Variants in CEP89 observed in about 807,000 individuals in gnomAD.
CEP89 encodes the protein centrosomal protein 89.
CEP89 carries 95 observed loss-of-function variants against 97.6 expected under a neutral mutation model. That is an observed-to-expected ratio of 0.97 (90% CI 0.82 to 1.15). The LOEUF (loss-of-function observed/expected upper bound fraction) is 1.15. CEP89 is among the 50% of genes most tolerant of loss of function. CEP89 has a pLI of 0.00. For synonymous variants in CEP89, 354 were observed against 349.1 expected (o/e 1.01, Z -0.16); for missense variants, 869 against 947.7 (o/e 0.92, Z 1.09).
chr19:32,942,852 T>C (rs1203411692), intron 5 of CEP89, among the ~76,000 whole-genome samples: 1 of 149,194 alleles, frequency 6.7e-6, no homozygotes, highest in African/African-American at 2.4e-5. Context: ...TTCCAGTCTT[T>C]TTTTTTTTTT....
chr19:32,935,231 C>T (rs1050585793), intron 7 of CEP89, among the ~76,000 whole-genome samples: 3 of 152,160 alleles, frequency 2.0e-5, no homozygotes, highest in Non-Finnish European at 2.9e-5. Context: ...AGGCAGCAGT[C>T]GGTACAGCCT....
chr19:32,933,462 G>A lies in CEP89; in HGVS notation c.875C>T (p.Ser292Leu), dbSNP rs368927898. Residue 292 changes from serine to leucine, a missense_variant, in exon 8 of 19, where the codon TCG becomes TTG. Coordinates refer to ENST00000305768, the MANE Select transcript of CEP89 (RefSeq NM_032816.5). ...CTGTCTGTCCCCACCTTCCTGTGAC[G>A]ACGCCTTCTCAGCCTCTTTGAGCTT... ...KRKLKEAEKA[S>L]SQEVAAPELL... 6.2e-6 allele frequency: 10 copies of A among 1,613,248 alleles called. No individual in the cohort carries two copies. The highest frequency in any genetic ancestry group is 2.2e-5 in the South Asian group (2 of 90,904).
chr19:32,927,021 A>C (rs1970372795), intron 9 of CEP89, 37 bp from the exon 10 acceptor site: 2 of 1,551,550 alleles, frequency 1.3e-6, no homozygotes, highest in South Asian at 2.2e-5. Flanking sequence ...AAGTTAAACC[A>C]CACTTCCTCT....
chr19:32,971,089 G>A (rs1056246847), intron 1 of CEP89: 1 of 161,130 alleles, frequency 6.2e-6, no homozygotes, highest in Non-Finnish European at 1.4e-5. Context: ...TGGACCTAGG[G>A]GAAGGGCGAG....
chr19:32,901,056 T>G lies in CEP89; in HGVS notation c.1733+189A>C, dbSNP rs563386367. On this transcript the variant is annotated intron_variant, in intron 15 of 18. Coordinates refer to ENST00000305768, the MANE Select transcript of CEP89 (RefSeq NM_032816.5). ...GCGTGCCACTACCGCCTGGCTAATTTTTGTATTTTTAGTAGAGACGGGGTT... is the reference window on the plus strand; with the variant it reads ...GCGTGCCACTACCGCCTGGCTAATTGTTGTATTTTTAGTAGAGACGGGGTT... 8.2e-4 allele frequency among the ~76,000 whole-genome samples: 125 copies of G among 151,912 alleles called. 1 individual carries two copies. The highest frequency in any genetic ancestry group is 2.8e-3 in the African/African-American group (117 of 41,442).
intron 1 of CEP89, chr19:32,970,835 TG>T (rs1232182332): frequency 3.9e-5 from 6 of 152,242 alleles, no homozygotes; most frequent in African/African-American, 1.4e-4. Flanking sequence ...CATTGAGACT[TG>T]GCAGAGTGTG....
At chr19:32,886,840 C>G (rs1969406930) in intron 17 of CEP89, among the ~76,000 whole-genome samples, 1 of 151,742 alleles carries the variant, frequency 6.6e-6, no homozygotes, top group Non-Finnish European at 1.5e-5. Context: ...CATGGCATAG[C>G]CCCTTCCCTT....
At chr19:32,922,696 A>G (rs191543968) in intron 12 of CEP89, among the ~76,000 whole-genome samples, 70 of 152,122 alleles carry the variant, frequency 4.6e-4, no homozygotes, top group African/African-American at 1.6e-3. Flanking sequence ...AAAAATACAA[A>G]AATTAGCCAG....
At chr19:32,884,601 C>T (rs964568060) in intron 17 of CEP89, among the ~76,000 whole-genome samples, 2 of 152,070 alleles carry the variant, frequency 1.3e-5, no homozygotes, top group African/African-American at 2.4e-5. Context: ...GAAACAGGAT[C>T]CTGCTCCATG....
chr19:32,901,307 GTTC>G lies in CEP89; in HGVS notation c.1668_1670del (p.Lys556del), dbSNP rs1278457630. ...GTGCTTTGTTTTGCTCTGTCAAACT[GTTC>G]TTCTCTAACAGCAGGCTCTTCTTCT... On this transcript the variant is annotated inframe_deletion, in exon 15 of 19. Coordinates refer to ENST00000305768, the MANE Select transcript of CEP89 (RefSeq NM_032816.5). 1 of 1,614,186 alleles carries G rather than the reference GTTC, an allele frequency of 6.2e-7. No individual in the cohort carries two copies. Among genetic ancestry groups the G allele is most frequent in the South Asian group, 1.1e-5 (1 of 91,080 alleles).
In CEP89 at chr19:32,878,979, T is replaced by A. The variant is rs2868196; in HGVS notation, c.*183A>T. 0.15 allele frequency: 66,956 copies of A among 441,190 alleles called. 6,338 individuals carry two copies. Among genetic ancestry groups the A allele is most frequent in the Non-Finnish European group, 0.19 (48,966 of 252,606 alleles). The allele number at this position is 441,190 out of a possible 1,614,324, so 27.3% of individuals were successfully genotyped here. A position where few individuals can be genotyped will look rare whatever the true frequency, so the allele number is the denominator to read the frequency against. ...CCTAGCTCTAAAAAAAAAAAAAAAT[T>A]AAAAAATAAAGCAAAATGTTATCAA... is the stretch of plus-strand genomic sequence containing the variant. On this transcript the variant is annotated 3_prime_UTR_variant, in exon 19 of 19. Transcript: ENST00000305768.
chr19:32,902,010 C>G (rs62125007), intron 14 of CEP89, among the ~76,000 whole-genome samples: 25,348 of 133,218 alleles, frequency 0.19, 2,744 homozygotes, highest in East Asian at 0.5. Flanking sequence ...CTCTCTCTCT[C>G]TGTGTGTGTG....
intron 7 of CEP89, among the ~76,000 whole-genome samples, chr19:32,934,849 G>A (rs1033342722): frequency 1.4e-4 from 22 of 152,154 alleles, no homozygotes; most frequent in South Asian, 6.2e-4. Context: ...CTGGTGGCTC[G>A]CACCTGCAAT....
Position 32,887,835 on chromosome 19 carries a change from AT to A in CEP89, c.1881del (p.Lys627AsnfsTer3). The A allele has an allele frequency of 6.2e-7, 1 of 1,604,976 alleles. No homozygotes were observed. The highest frequency in any genetic ancestry group is 8.5e-7 in the Non-Finnish European group (1 of 1,172,328). On this transcript the variant is annotated frameshift_variant, in exon 17 of 19. Transcript: ENST00000305768. LOFTEE classifies it high-confidence loss of function. The part of the protein sequence containing the change: ...QERDSLMCLA[K>X]CLESEKDGVL... ...ACTCCATCCTTCTCACTTTCTAAAC[AT>A]TTTGCCTAGGGAGAAGGGTGATAAA... is the stretch of plus-strand genomic sequence containing the variant.
intron 2 of CEP89, among the ~76,000 whole-genome samples, chr19:32,965,852 T>C (rs1444326026): frequency 6.6e-6 from 1 of 151,842 alleles, no homozygotes; most frequent in African/African-American, 2.4e-5. Context: ...GCCCCATCTC[T>C]ACTAAAAATA....
intron 6 of CEP89, among the ~76,000 whole-genome samples, chr19:32,938,575 TA>T (rs1970623515): frequency 6.6e-6 from 1 of 152,220 alleles, no homozygotes; most frequent in African/African-American, 2.4e-5. Context: ...GAGAAATGTT[TA>T]ATTTTTAAGT....
chr19:32,942,937 C>T, intron 5 of CEP89, among the ~76,000 whole-genome samples: 1 of 151,818 alleles, frequency 6.6e-6, no homozygotes, highest in African/African-American at 2.4e-5. Context: ...CCTCAACCTG[C>T]CGAGCTCAAG....
chr19:32,911,738 C>T (rs966033059), intron 14 of CEP89, among the ~76,000 whole-genome samples: 1 of 152,184 alleles, frequency 6.6e-6, no homozygotes, highest in African/African-American at 2.4e-5. Context: ...GAATCACTAG[C>T]ATTTACTTAA....
At chr19:32,927,759 C>T (rs1020406710) in intron 9 of CEP89, among the ~76,000 whole-genome samples, 1 of 151,956 alleles carries the variant, frequency 6.6e-6, no homozygotes, top group African/African-American at 2.4e-5. Context: ...TGCATGCCAC[C>T]ACACCTGGCT....
Sources: allele counts gnomAD v4.1 joint callset (sites outside exome capture counted in the v4.1 genomes callset), GRCh38; gene constraint gnomAD v4.1.1; transcripts MANE v1.5; gene names NCBI Gene and HGNC (gene_info 2026-07-23, HGNC 2026-07-21).